SDK1: variants seen among roughly 807,000 people sequenced by gnomAD.
SDK1 encodes the protein protein sidekick-1.
Under a neutral mutation model 245.5 loss-of-function variants are expected in SDK1, and 157 were observed. The observed-to-expected ratio is 0.64, with a 90% CI of 0.56 to 0.73. The LOEUF is 0.73. Ranked by LOEUF, SDK1 falls within the 30% of genes least tolerant of loss-of-function variation. The pLI is 0.00. For missense variants in SDK1, 3,583 were observed against 3,002.3 expected (o/e 1.19, Z -4.52); for synonymous variants, 1,647 against 1,278.5 (o/e 1.29, Z -6.15).
At chr7:3,691,908 C>A (rs1218541376) in intron 4 of SDK1, among the ~76,000 whole-genome samples, 1 of 152,080 alleles carries the variant, frequency 6.6e-6, no homozygotes, top group Non-Finnish European at 1.5e-5. Context: ...CTTATCTGAG[C>A]CTTTTATCCT....
chr7:3,385,302 A>G (rs907434066), intron 1 of SDK1, among the ~76,000 whole-genome samples: 3 of 152,214 alleles, frequency 2.0e-5, no homozygotes, highest in African/African-American at 4.8e-5. Context: ...CTGTGAATGT[A>G]TTATCCTGAT....
intron 30 of SDK1, among the ~76,000 whole-genome samples, chr7:4,155,794 G>A (rs1312751282): frequency 1.3e-5 from 2 of 152,092 alleles, no homozygotes; most frequent in African/African-American, 2.4e-5. Flanking sequence ...CCTCCTGGGT[G>A]TTCTTGGCTC....
intron 1 of SDK1, among the ~76,000 whole-genome samples, chr7:3,507,843 C>T (rs1366528808): frequency 2.0e-5 from 3 of 152,144 alleles, no homozygotes. Flanking sequence ...AATTCCCAAC[C>T]TGCTTCAGTG....
chr7:3,605,822 A>C (rs1000730991), intron 1 of SDK1, among the ~76,000 whole-genome samples: 1 of 152,144 alleles, frequency 6.6e-6, no homozygotes, highest in African/African-American at 2.4e-5. Flanking sequence ...AGGACATTTA[A>C]ATTTTAACTT....
intron 42 of SDK1, among the ~76,000 whole-genome samples, chr7:4,239,972 C>T (rs1786418587): frequency 6.6e-6 from 1 of 152,196 alleles, no homozygotes; most frequent in African/African-American, 2.4e-5. Flanking sequence ...AAACCAGTCA[C>T]CTAAAATGCC....
At chr7:3,491,624 A>G (rs888685238) in intron 1 of SDK1, among the ~76,000 whole-genome samples, 2 of 152,212 alleles carry the variant, frequency 1.3e-5, no homozygotes, top group Non-Finnish European at 2.9e-5. Context: ...ACACATAGCT[A>G]TATCTCTCCT....
rs1307806971 is a variant in SDK1 at position 4,209,164 on chromosome 7, C to T, written c.5402-861C>T. ...ACTTCCTTTGGCTTCATCCAGTGCC[C>T]GCATCTGAGCTGGAAGGATGTGGGC... On this transcript the variant is annotated intron_variant, in intron 37 of 44. Transcript: ENST00000404826. 2.6e-5 allele frequency among the ~76,000 whole-genome samples: 4 copies of T among 152,262 alleles called. No homozygotes were observed. In the South Asian group the frequency reaches 6.2e-4, roughly 24 times the overall value.
chr7:3,483,389 A>C (rs1284766458), intron 1 of SDK1, among the ~76,000 whole-genome samples: 1 of 152,106 alleles, frequency 6.6e-6, no homozygotes, highest in African/African-American at 2.4e-5. Context: ...GCTATATTGA[A>C]GATGTAAGAA....
intron 6 of SDK1, 102 bp downstream of exon 6, chr7:3,951,136 C>T (rs993146550): frequency 2.0e-5 from 17 of 870,986 alleles, no homozygotes; most frequent in African/African-American, 3.3e-5. Context: ...AGCCTTCTAG[C>T]GACAGTGGTC....
chr7:4,173,762 A>G (rs1781998432), intron 32 of SDK1, among the ~76,000 whole-genome samples: 1 of 152,166 alleles, frequency 6.6e-6, no homozygotes, highest in Non-Finnish European at 1.5e-5. Context: ...ATGGGGAGGC[A>G]TCAGTGAGGG....
At chr7:3,384,282 A>G (rs1781557684) in intron 1 of SDK1, among the ~76,000 whole-genome samples, 1 of 152,188 alleles carries the variant, frequency 6.6e-6, no homozygotes, top group African/African-American at 2.4e-5. Flanking sequence ...AGCAGGTTCC[A>G]CAGTAGTAAC....
chr7:4,071,763 C>G (rs927202225), intron 20 of SDK1, among the ~76,000 whole-genome samples: 1 of 152,222 alleles, frequency 6.6e-6, no homozygotes, highest in African/African-American at 2.4e-5. Flanking sequence ...GCTCTGCTTA[C>G]CACTGATCCC....
At chr7:4,261,681 A>T (rs76550549) in intron 44 of SDK1, among the ~76,000 whole-genome samples, 3,609 of 152,196 alleles carry the variant, frequency 0.024, 67 homozygotes, top group Non-Finnish European at 0.034. Context: ...GCCTCGATAC[A>T]CAGCTGATGA....
Position 3,979,436 on chromosome 7 carries a change from C to T in SDK1, c.1994+4891C>T, listed in dbSNP as rs116098493. 8.4e-3 allele frequency among the ~76,000 whole-genome samples: 1,272 copies of T among 152,240 alleles called. 19 individuals are homozygous for T. Among genetic ancestry groups the T allele is most frequent in the African/African-American group, 0.029 (1,192 of 41,546 alleles). ...TTCTATGACCTTCTGACACTAGACT[C>T]GAGATGTGTCTGTTTGCTGTTGAGC... On this transcript the variant is annotated intron_variant, in intron 13 of 44. Coordinates refer to ENST00000404826, the MANE Select transcript of SDK1 (RefSeq NM_152744.4).
chr7:3,567,788 A>G (rs889360758), intron 1 of SDK1, among the ~76,000 whole-genome samples: 2 of 151,590 alleles, frequency 1.3e-5, no homozygotes, highest in Non-Finnish European at 2.9e-5. Flanking sequence ...CTTTCTTTTT[A>G]TTTTCTATTT....
chr7:3,794,350 A>G (rs927846364), intron 4 of SDK1, among the ~76,000 whole-genome samples: 16 of 152,162 alleles, frequency 1.1e-4, no homozygotes, highest in African/African-American at 3.9e-4. Flanking sequence ...TTTTAAAAAT[A>G]GGAAGAAAAA....
At chr7:3,434,198 C>T (rs1043099429) in intron 1 of SDK1, among the ~76,000 whole-genome samples, 6 of 152,276 alleles carry the variant, frequency 3.9e-5, no homozygotes, top group Admixed American at 3.9e-4. Flanking sequence ...GTACTACTCA[C>T]TCTACCAGGC....
intron 35 of SDK1, among the ~76,000 whole-genome samples, chr7:4,204,583 C>T (rs896902716): frequency 6.6e-6 from 1 of 152,204 alleles, no homozygotes; most frequent in Admixed American, 6.5e-5. Context: ...CCCAAGAAGG[C>T]CTCTCCAGAG....
chr7:4,079,266 A>G (rs146123727), intron 21 of SDK1, among the ~76,000 whole-genome samples, 197 bp from the exon 22 acceptor site: 1,974 of 152,346 alleles, frequency 0.013, 35 homozygotes, highest in African/African-American at 0.039. Context: ...GGGTCACCCC[A>G]TTAAAGCAAA....
Sources: gnomAD v4.1 joint callset for allele counts (sites outside exome capture counted in the v4.1 genomes callset) on GRCh38, gnomAD v4.1.1 for gene constraint, MANE v1.5 for transcripts, NCBI Gene and HGNC (gene_info 2026-07-23, HGNC 2026-07-21) for gene names.